Variants in GXYLT2 observed in about 807,000 individuals in gnomAD.
GXYLT2 encodes the protein glucoside xylosyltransferase 2.
A neutral mutation model predicts 45.8 loss-of-function variants in GXYLT2; 53 were observed. That is an observed-to-expected ratio of 1.16 (90% CI 0.93 to 1.46). GXYLT2 has a LOEUF of 1.46. Ranked by LOEUF, GXYLT2 falls within the 40% of genes most tolerant of loss-of-function variation. The pLI is 0.00. For missense variants in GXYLT2, 551 were observed against 544.4 expected (o/e 1.01, Z -0.12); for synonymous variants, 219 against 214.2 (o/e 1.02, Z -0.19).
intron 1 of GXYLT2, among the ~76,000 whole-genome samples, chr3:72,907,282 A>G (rs893597208): frequency 2.6e-5 from 4 of 152,182 alleles, no homozygotes; most frequent in African/African-American, 9.6e-5. Flanking sequence ...GCCTTTCCAA[A>G]ATGCTCCACC....
intron 3 of GXYLT2, among the ~76,000 whole-genome samples, chr3:72,949,888 T>C (rs1304467679): frequency 6.6e-6 from 1 of 152,082 alleles, no homozygotes; most frequent in East Asian, 1.9e-4. Context: ...CTAGCCCTCA[T>C]GAGAGTGGGA....
intron 5 of GXYLT2, among the ~76,000 whole-genome samples, chr3:72,963,580 G>A (rs1414994257): frequency 6.7e-6 from 1 of 149,266 alleles, no homozygotes; most frequent in Non-Finnish European, 1.5e-5. Flanking sequence ...TTGGCTCAAT[G>A]CAACCTCCAC....
intron 3 of GXYLT2, among the ~76,000 whole-genome samples, chr3:72,928,861 G>C (rs1294081353): frequency 1.3e-5 from 2 of 152,154 alleles, no homozygotes; most frequent in African/African-American, 4.8e-5. Flanking sequence ...TTCCTCGCCG[G>C]GAGTCGTCGG....
At chr3:72,911,325 A>G (rs149568102) in intron 2 of GXYLT2, among the ~76,000 whole-genome samples, 196 of 152,240 alleles carry the variant, frequency 1.3e-3, no homozygotes, top group African/African-American at 3.9e-3. Flanking sequence ...AGGAAGATGT[A>G]TACGTGCAAC....
intron 2 of GXYLT2, among the ~76,000 whole-genome samples, chr3:72,919,321 G>A (rs1398954186): frequency 6.6e-6 from 1 of 152,126 alleles, no homozygotes; most frequent in African/African-American, 2.4e-5. Context: ...AATAAAATGA[G>A]CTATCAAGCC....
chr3:72,969,933 A>G (rs1196108584), intron 6 of GXYLT2, among the ~76,000 whole-genome samples: 1 of 128,644 alleles, frequency 7.8e-6, no homozygotes, highest in Non-Finnish European at 1.7e-5. Context: ...AAAAACATTT[A>G]AGGCCCAGCA....
chr3:72,974,046 C>T (rs548477646), intron 6 of GXYLT2, among the ~76,000 whole-genome samples: 8 of 152,298 alleles, frequency 5.3e-5, no homozygotes, highest in Non-Finnish European at 1.2e-4. Flanking sequence ...CAAGAGTGTA[C>T]TGATCTTTAA....
chr3:72,960,121 A>G (rs958542482), intron 5 of GXYLT2, among the ~76,000 whole-genome samples: 2 of 151,928 alleles, frequency 1.3e-5, no homozygotes, highest in African/African-American at 4.8e-5. Flanking sequence ...AATTTTTGTA[A>G]TTTTTGTATT....
At chr3:72,951,191 AT>A (rs11398405) in intron 3 of GXYLT2, among the ~76,000 whole-genome samples, 128 of 150,476 alleles carry the variant, frequency 8.5e-4, no homozygotes, top group Admixed American at 2.5e-3. Context: ...TCAAAAAGTG[AT>A]TTTTTTTTTG....
At chr3:72,918,936 A>G (rs1709784626) in intron 2 of GXYLT2, among the ~76,000 whole-genome samples, 1 of 152,186 alleles carries the variant, frequency 6.6e-6, no homozygotes, top group South Asian at 2.1e-4. Context: ...ATGAAACACC[A>G]CTACACACCT....
Position 72,888,149 on chromosome 3 carries a change from C to A in GXYLT2, c.-85C>A. 1.1e-6 allele frequency: 1 copy of A among 921,974 alleles called. No homozygotes were observed. Among genetic ancestry groups the A allele is most frequent in the Non-Finnish European group, 1.3e-6 (1 of 773,756 alleles). 57.1% of individuals were successfully genotyped at this position (921,974 alleles called of 1,614,324 possible). On this transcript the variant is annotated 5_prime_UTR_variant, in exon 1 of 7. Coordinates refer to ENST00000389617, the MANE Select transcript of GXYLT2 (RefSeq NM_001080393.2). ...GGGCGGGCGGAGGAGGCGACCGCCG[C>A]GCGCTGCTGCACTCATCCTGCCGCC...
intron 3 of GXYLT2, among the ~76,000 whole-genome samples, chr3:72,949,829 A>G (rs1239379042): frequency 2.0e-5 from 3 of 151,780 alleles, no homozygotes; most frequent in Admixed American, 6.6e-5. Flanking sequence ...TTTCATTACT[A>G]CTACTACCAT....
At chr3:72,954,341 C>T (rs922571271) in intron 3 of GXYLT2, among the ~76,000 whole-genome samples, 3 of 151,004 alleles carry the variant, frequency 2.0e-5, no homozygotes, top group South Asian at 2.1e-4. Flanking sequence ...CTCTTGACCT[C>T]GTGATCCGCC....
At chr3:72,919,283 A>G (rs1355787100) in intron 2 of GXYLT2, among the ~76,000 whole-genome samples, 2 of 152,222 alleles carry the variant, frequency 1.3e-5, no homozygotes, top group African/African-American at 4.8e-5. Context: ...TATTCATACC[A>G]TAGCATACAG....
intron 3 of GXYLT2, among the ~76,000 whole-genome samples, chr3:72,934,145 G>C (rs1295544718): frequency 7.0e-6 from 1 of 143,050 alleles, no homozygotes; most frequent in Non-Finnish European, 1.5e-5. Context: ...GTAGTGGTGT[G>C]ATCACAGCTT....
rs950818733 is a variant in GXYLT2, at chr3:72,943,880, T to C, written c.601-11218T>C. Among the ~76,000 whole-genome samples the C allele has an allele frequency of 7.4e-5, 11 of 149,392 alleles. No homozygotes were observed. The East Asian group carries it at 2.2e-3, about 30-fold the overall frequency. Reference sequence around the variant, plus strand: ...TTTTTTTTTTTTAGAGGTGGAGCCTTGCTATGTTGCCCAGGCTAGTCTCAA... The same window carrying C: ...TTTTTTTTTTTTAGAGGTGGAGCCTCGCTATGTTGCCCAGGCTAGTCTCAA... On this transcript the variant is annotated intron_variant, in intron 3 of 6. Transcript: ENST00000389617.
chr3:72,974,223 T>C (rs1711048086), intron 6 of GXYLT2, among the ~76,000 whole-genome samples: 1 of 152,220 alleles, frequency 6.6e-6, no homozygotes, highest in Non-Finnish European at 1.5e-5. Flanking sequence ...TGGGTTATAC[T>C]GCTCATAGAC....
At chr3:72,919,105 A>G (rs537612102) in intron 2 of GXYLT2, among the ~76,000 whole-genome samples, 57 of 152,320 alleles carry the variant, frequency 3.7e-4, no homozygotes, top group Non-Finnish European at 6.6e-4. Flanking sequence ...TAGGCTTACT[A>G]TACAATCCAG....
chr3:72,967,973 TTTTTTG>T (rs1710899409), intron 6 of GXYLT2, among the ~76,000 whole-genome samples: 1 of 152,120 alleles, frequency 6.6e-6, no homozygotes, highest in Admixed American at 6.5e-5. Context: ...GAAATTTCTG[TTTTTTG>T]TTTTTGTTTT....
Sources: gnomAD v4.1 joint callset for allele counts (sites outside exome capture counted in the v4.1 genomes callset) on GRCh38, gnomAD v4.1.1 for gene constraint, MANE v1.5 for transcripts, NCBI Gene and HGNC (gene_info 2026-07-23, HGNC 2026-07-21) for gene names.